Variants in SSX5 observed in about 807,000 individuals in gnomAD.
SSX5 encodes the protein protein SSX5.
A neutral mutation model predicts 14.9 loss-of-function variants in SSX5; 14 were observed. That is an observed-to-expected ratio of 0.94 (90% CI 0.62 to 1.47). The LOEUF (loss-of-function observed/expected upper bound fraction) is 1.47. Among genes scored for constraint, SSX5 ranks in the 40% most tolerant of loss-of-function variants. The pLI is 0.00. For synonymous variants in SSX5, 70 were observed against 55.4 expected, an observed-to-expected ratio of 1.26 and a Z score of -1.17; for missense variants, 204 against 154.6, an observed-to-expected ratio of 1.32 and a Z score of -1.70.
chrX:48,193,948 G>T (rs2059429691), intron 4 of SSX5, among the ~76,000 whole-genome samples, 181 bp downstream of exon 4: 1 of 105,109 alleles, frequency 9.5e-6, no homozygotes, highest in South Asian at 4.3e-4. Flanking sequence ...TTCTTGTTTT[G>T]CATGTTTTAA....
chrX:48,195,415 G>T, intron 1 of SSX5, 37 bp from the exon 2 acceptor site: 1 of 1,165,770 alleles, frequency 8.6e-7, no homozygotes, highest in Admixed American at 2.2e-5. Context: ...CCAGCTGCAG[G>T]ACCTTTGGTC....
chrX:48,188,527 G>A (rs2059407628), intron 6 of SSX5, among the ~76,000 whole-genome samples: 2 of 112,353 alleles, frequency 1.8e-5, no homozygotes, highest in Non-Finnish European at 3.8e-5. Context: ...GACAAATATT[G>A]TGTGTGTTCT....
At position 48,186,850 on chromosome X, in the gene SSX5, C is replaced by T; in HGVS notation, c.*11G>A. The T allele has an allele frequency of 8.3e-7, 1 of 1,198,039 alleles. No homozygotes were observed. Among genetic ancestry groups the T allele is most frequent in the Admixed American group, 2.2e-5 (1 of 45,992 alleles). ...TCTCATCATGGGCATGTGTCATATC[C>T]CCGAGGCTGAGGCAAGAAGCGAGAA... On this transcript the variant is annotated 3_prime_UTR_variant, in exon 8 of 8. Coordinates refer to ENST00000347757, the MANE Select transcript of SSX5 (RefSeq NM_175723.2).
intron 2 of SSX5, 32 bp downstream of exon 2, chrX:48,195,258 G>A: frequency 7.5e-6 from 9 of 1,207,475 alleles, no homozygotes; most frequent in Non-Finnish European, 1.0e-5. Flanking sequence ...TGTCCCCTGG[G>A]CCACTACTAT....
At chrX:48,194,673 A>G in intron 3 of SSX5, 67 bp downstream of exon 3, 2 of 1,107,323 alleles carry the variant, frequency 1.8e-6, no homozygotes, top group Non-Finnish European at 1.2e-6. Context: ...AGCCTAAGAA[A>G]TAGCCAAAGC....
Position 48,192,247 on chromosome X carries a change from C to T in SSX5, c.315G>A (p.Gln105=), listed in dbSNP as rs782286564. ...AGACACTCACCTTCGGGAAGATTCC[C>T]TGGAGCCTGCCGAAAGTCATCTGAG... ...EHPQMTFGRL[Q]GIFPKITPEK... The change falls in exon 5 of 8, where the codon CAG becomes CAA. Residue 105 remains glutamine, a synonymous_variant. Coordinates refer to ENST00000347757, the MANE Select transcript of SSX5 (RefSeq NM_175723.2). 1 of 1,211,366 alleles carries T rather than the reference C, an allele frequency of 8.3e-7. No homozygotes were observed. Among genetic ancestry groups the T allele is most frequent in the East Asian group, 3.0e-5 (1 of 33,833 alleles).
At position 48,192,245 on chromosome X, in the gene SSX5, C is replaced by A. The variant is rs2059422985; in HGVS notation, c.317G>T (p.Gly106Val). ...HPQMTFGRLQ[G>V]IFPKITPEKP... ...AGAGACACTCACCTTCGGGAAGATT[C>A]CCTGGAGCCTGCCGAAAGTCATCTG... The change falls in exon 5 of 8, where the codon GGA becomes GTA. Residue 106 changes from glycine (G) to valine (V), a missense_variant. By Grantham distance (109) the Gly-to-Val change is moderately radical. Transcript: ENST00000347757. The A allele has an allele frequency of 8.3e-7, 1 of 1,209,682 alleles. No individual in the cohort carries two copies. Among genetic ancestry groups the A allele is most frequent in the Admixed American group, 2.2e-5 (1 of 45,718 alleles).
intron 3 of SSX5, 87 bp from the exon 4 acceptor site, chrX:48,194,311 G>A: frequency 1.0e-6 from 1 of 1,003,991 alleles, no homozygotes; most frequent in Non-Finnish European, 1.4e-6. Context: ...CTCTTTGGGA[G>A]GCTGAAGCTG....
chrX:48,195,010 A>G (rs1556925531), intron 2 of SSX5, 156 bp from the exon 3 acceptor site: 1 of 1,210,090 alleles, frequency 8.3e-7, no homozygotes, highest in Non-Finnish European at 1.1e-6. Context: ...CACCTACCCT[A>G]GCTTCTCCCC....
chrX:48,193,018 G>A lies in SSX5; in HGVS notation c.281-737C>T, dbSNP rs782048965. Among the ~76,000 whole-genome samples, 3 of 112,142 alleles carry A rather than the reference G, an allele frequency of 2.7e-5. No individual in the cohort carries two copies. The Admixed American group carries it at 2.8e-4, about 11-fold the overall frequency. ...TCTCTCCTCACTGACAAGTGGGAAA[G>A]CTCTCTGTGTGTTGGATGAGGGATC... On this transcript the variant is annotated intron_variant, in intron 4 of 7. Transcript: ENST00000347757.
At chrX:48,187,069 G>A (rs1259606138) in intron 7 of SSX5, among the ~76,000 whole-genome samples, 2 of 111,583 alleles carry the variant, frequency 1.8e-5, no homozygotes, top group African/African-American at 6.5e-5. Context: ...GCTAGAGGAA[G>A]GTGTGGCCCG....
chrX:48,192,156 T>C lies in SSX5; in HGVS notation c.330+76A>G, dbSNP rs2059422438. On this transcript the variant is annotated intron_variant, in intron 5 of 7. Transcript: ENST00000347757. ...GAAGGCAGTGAGGGCATTGTTGATA[T>C]TCTCCCACTCTTACAGGGTTCACAT... 3 of 1,197,212 alleles carry C rather than the reference T, an allele frequency of 2.5e-6. No individual in the cohort carries two copies. In the East Asian group the frequency reaches 8.9e-5, roughly 35 times the overall value.
chrX:48,195,191 G>A (rs1601923191), intron 2 of SSX5, 99 bp downstream of exon 2: 12 of 1,206,715 alleles, frequency 9.9e-6, no homozygotes, highest in Non-Finnish European at 5.6e-6. Context: ...CGGAGACCCT[G>A]GTCCTTGTCC....
chrX:48,196,050 C>G (rs1301006368), intron 1 of SSX5, among the ~76,000 whole-genome samples: 4 of 110,864 alleles, frequency 3.6e-5, no homozygotes, highest in African/African-American at 6.6e-5. Flanking sequence ...CATTGGGAGG[C>G]CAAGGCGTGC....
intron 6 of SSX5, 74 bp from the exon 7 acceptor site, chrX:48,187,805 C>T (rs782540150): frequency 4.6e-4 from 518 of 1,122,313 alleles, no homozygotes; most frequent in Non-Finnish European, 6.1e-4. Flanking sequence ...GAGTGTTAGG[C>T]TCTGTTTTCT....
Position 48,186,719 on chromosome X carries a change from C to A in SSX5, c.*142G>T, listed in dbSNP as rs1189186037. 1.8e-6 allele frequency: 2 copies of A among 1,108,465 alleles called. No homozygotes were observed. Among genetic ancestry groups the A allele is most frequent in the Non-Finnish European group, 2.5e-6 (2 of 816,237 alleles). The allele number at this position is 1,108,465 out of a possible 1,213,427, so 91.3% of individuals were successfully genotyped here. On this transcript the variant is annotated 3_prime_UTR_variant, in exon 8 of 8. Transcript: ENST00000347757. ...ACTCTTGGCACACTAAGAAAAATGA[C>A]GCTCAACTTTTCACTGTTGTGAACA...
At chrX:48,196,398 C>G (rs782408288) in intron 1 of SSX5, among the ~76,000 whole-genome samples, 1 of 94,810 alleles carries the variant, frequency 1.1e-5, no homozygotes, top group East Asian at 3.3e-4. Context: ...TTTTTTTGGT[C>G]AGACAAGGTC....
chrX:48,190,440 G>T (rs782447464), intron 5 of SSX5, among the ~76,000 whole-genome samples, 172 bp from the exon 6 acceptor site: 1 of 111,855 alleles, frequency 8.9e-6, no homozygotes, highest in East Asian at 2.8e-4. Context: ...GATGGGAAAG[G>T]AATGGCCTAA....
chrX:48,191,402 C>G (rs2059419449), intron 5 of SSX5, among the ~76,000 whole-genome samples: 1 of 111,832 alleles, frequency 8.9e-6, no homozygotes, highest in South Asian at 3.8e-4. Context: ...CCCTCTAAAC[C>G]AGAGTTGAAT....
Sources: allele counts gnomAD v4.1 joint callset (sites outside exome capture counted in the v4.1 genomes callset), GRCh38; gene constraint gnomAD v4.1.1; transcripts MANE v1.5; gene names NCBI Gene and HGNC (gene_info 2026-07-23, HGNC 2026-07-21).